Variants in MYT1L observed in about 807,000 individuals in gnomAD.
MYT1L encodes myelin transcription factor 1-like protein.
A neutral mutation model predicts 126.7 loss-of-function variants in MYT1L; 12 were observed. That is an observed-to-expected ratio of 0.09 (90% CI 0.06 to 0.15). The LOEUF is 0.15. MYT1L is among the 10% of genes least tolerant of loss of function. The pLI, the probability that MYT1L is intolerant of heterozygous loss-of-function variation, is 1.00. For synonymous variants in MYT1L, 541 were observed against 604.2 expected, an observed-to-expected ratio of 0.90 and a Z score of 1.53; for missense variants, 979 against 1,585.2, an observed-to-expected ratio of 0.62 and a Z score of 6.49.
At chr2:2,295,181 A>C (rs926890421) in intron 1 of MYT1L, among the ~76,000 whole-genome samples, 2 of 152,198 alleles carry the variant, frequency 1.3e-5, no homozygotes, top group African/African-American at 4.8e-5. Context: ...AAGCTGAGAC[A>C]GAGGAGCCAG....
intron 14 of MYT1L, among the ~76,000 whole-genome samples, chr2:1,892,811 GC>G (rs2049087282): frequency 6.6e-6 from 1 of 152,204 alleles, no homozygotes; most frequent in Non-Finnish European, 1.5e-5. Context: ...AGCCAGAGGG[GC>G]CCCGGCAGCC....
In MYT1L at chr2:1,989,568, G is replaced by A. The variant is rs2061319406; in HGVS notation, c.-1+7623C>T. On this transcript the variant is annotated intron_variant, in intron 5 of 24. Coordinates refer to ENST00000647738, the MANE Select transcript of MYT1L (RefSeq NM_001303052.2). ...GCATGAAGGTTGGACACACCTTCTTGACAATACGGAAATAATTTAGTTAAG... is the reference window on the plus strand; with the variant it reads ...GCATGAAGGTTGGACACACCTTCTTAACAATACGGAAATAATTTAGTTAAG... 2.6e-5 allele frequency among the ~76,000 whole-genome samples: 4 copies of A among 152,188 alleles called. 1 individual carries two copies.
intron 10 of MYT1L, among the ~76,000 whole-genome samples, chr2:1,918,151 G>A (rs1176276602): frequency 6.6e-6 from 1 of 152,010 alleles, no homozygotes; most frequent in African/African-American, 2.4e-5. Flanking sequence ...GGCAAATTAG[G>A]GCAGAGCTTC....
At chr2:2,214,956 C>A (rs2093636767) in intron 2 of MYT1L, among the ~76,000 whole-genome samples, 1 of 151,930 alleles carries the variant, frequency 6.6e-6, no homozygotes, top group South Asian at 2.1e-4. Context: ...AATGGAAGAA[C>A]AACATTGTAA....
chr2:2,238,084 G>A (rs1324091722), intron 2 of MYT1L, among the ~76,000 whole-genome samples: 4 of 152,162 alleles, frequency 2.6e-5, no homozygotes, highest in Admixed American at 6.5e-5. Flanking sequence ...GTGTTTTAAG[G>A]TTTCTTAGTT....
intron 1 of MYT1L, among the ~76,000 whole-genome samples, chr2:2,285,697 A>G (rs1573174005): frequency 1.3e-5 from 2 of 152,186 alleles, no homozygotes; most frequent in Admixed American, 6.5e-5. Context: ...AGCAGCACAC[A>G]TGTCAACTGC....
intron 9 of MYT1L, among the ~76,000 whole-genome samples, chr2:1,931,334 G>A (rs1166823407): frequency 6.6e-6 from 1 of 151,530 alleles, no homozygotes; most frequent in Non-Finnish European, 1.5e-5. Context: ...CACCCTCAGC[G>A]ATGCCCATGT....
At chr2:2,248,095 G>GT (rs750570269) in intron 2 of MYT1L, among the ~76,000 whole-genome samples, 4 of 151,228 alleles carry the variant, frequency 2.6e-5, no homozygotes, top group African/African-American at 9.7e-5. Context: ...CAATGAAACT[G>GT]TTTTTTTAAA....
chr2:2,308,978 A>G (rs1226698160), intron 1 of MYT1L, among the ~76,000 whole-genome samples: 4 of 151,542 alleles, frequency 2.6e-5, no homozygotes, highest in Non-Finnish European at 1.5e-5. Context: ...ATTATATTCT[A>G]CCTATACTTC....
intron 3 of MYT1L, among the ~76,000 whole-genome samples, chr2:2,141,459 T>C (rs1157038703): frequency 6.6e-6 from 1 of 152,216 alleles, no homozygotes; most frequent in South Asian, 2.1e-4. Context: ...TATCTATGTA[T>C]TGCATTATCC....
chr2:2,182,994 A>G (rs2091701649), intron 2 of MYT1L, among the ~76,000 whole-genome samples: 1 of 152,184 alleles, frequency 6.6e-6, no homozygotes, highest in Admixed American at 6.5e-5. Context: ...GGACTCTGCC[A>G]CAGAGGTGGG....
chr2:2,069,588 A>G (rs1474270185), intron 3 of MYT1L, among the ~76,000 whole-genome samples: 1 of 152,150 alleles, frequency 6.6e-6, no homozygotes, highest in Non-Finnish European at 1.5e-5. Context: ...TATATACTCA[A>G]TAATGGGATT....
chr2:1,852,299 T>C lies in MYT1L; in HGVS notation c.2712-596A>G, dbSNP rs12470738. ...CCACTGTGCACTCAGGCAGGTTTGA[T>C]AGACCTTAAAATAGTTGTTACTCTT... On this transcript the variant is annotated intron_variant, in intron 18 of 24. Transcript: ENST00000647738. The surrounding 1 kb of genome is among the most constrained non-coding windows in gnomAD (Gnocchi z 4.0). 0.46 allele frequency among the ~76,000 whole-genome samples: 69,935 copies of C among 151,920 alleles called. 17,144 individuals are homozygous for C. Among genetic ancestry groups the C allele is most frequent in the Middle Eastern group, 0.67 (196 of 294 alleles).
At position 1,946,853 on chromosome 2, in the gene MYT1L, C is replaced by T. The variant is rs945117312; in HGVS notation, c.153-3519G>A. On this transcript the variant is annotated intron_variant, in intron 8 of 24. Coordinates refer to ENST00000647738, the MANE Select transcript of MYT1L (RefSeq NM_001303052.2). ...GACAACCTGTCAAGTCTAAGCCCAA[C>T]ACCAACCAACCTCCTCGCAGGGCCA... Among the ~76,000 whole-genome samples the T allele has an allele frequency of 3.3e-5, 5 of 152,270 alleles. No homozygotes were observed. The East Asian group carries it at 5.8e-4, about 18-fold the overall frequency.
chr2:2,320,106 G>A (rs2149684221), intron 1 of MYT1L, among the ~76,000 whole-genome samples: 1 of 152,236 alleles, frequency 6.6e-6, no homozygotes, highest in African/African-American at 2.4e-5. Context: ...ATATGTGCAA[G>A]TAGGTTCAGA....
intron 21 of MYT1L, among the ~76,000 whole-genome samples, chr2:1,836,642 T>C (rs1280536276): frequency 6.7e-6 from 1 of 149,018 alleles, no homozygotes; most frequent in Non-Finnish European, 1.5e-5. Flanking sequence ...TCCATCAGCC[T>C]GGCCCCAATA....
At chr2:1,971,540 G>A (rs1330415498) in intron 8 of MYT1L, among the ~76,000 whole-genome samples, 1 of 152,128 alleles carries the variant, frequency 6.6e-6, no homozygotes, top group African/African-American at 2.4e-5. Context: ...AGACCAACCT[G>A]GCCAACATGG....
At chr2:2,163,607 C>CT (rs958428156) in intron 3 of MYT1L, among the ~76,000 whole-genome samples, 19 of 151,716 alleles carry the variant, frequency 1.3e-4, no homozygotes, top group African/African-American at 4.6e-4. Context: ...TGGCGGGCGC[C>CT]TGTAGTCCCA....
chr2:2,282,495 G>T (rs999127939), intron 2 of MYT1L, among the ~76,000 whole-genome samples: 5 of 152,114 alleles, frequency 3.3e-5, no homozygotes, highest in African/African-American at 1.2e-4. Flanking sequence ...GCAGTGATAG[G>T]ACCACACATA....
Sources: allele counts gnomAD v4.1 joint callset (sites outside exome capture counted in the v4.1 genomes callset), GRCh38; gene constraint gnomAD v4.1.1; non-coding constraint Gnocchi (gnomAD v3.1); transcripts MANE v1.5; gene names NCBI Gene and HGNC (gene_info 2026-07-23, HGNC 2026-07-21).